Variants in STRADA observed in about 807,000 individuals in gnomAD.
STRADA encodes the protein STE20-related kinase adapter protein alpha.
Under a neutral mutation model 55.0 loss-of-function variants are expected in STRADA, and 26 were observed. The observed-to-expected ratio is 0.47, with a 90% CI of 0.35 to 0.66. The LOEUF (loss-of-function observed/expected upper bound fraction) is 0.66, where lower values mean the gene tolerates loss of function less well. STRADA is among the 30% of genes least tolerant of loss of function. The probability of loss-of-function intolerance (pLI) is 0.01; values close to 1 mark genes in which losing one functional copy is unlikely to be tolerated. For missense variants in STRADA, 443 were observed against 549.7 expected (o/e 0.81, Z 1.94); for synonymous variants, 197 against 210.9 (o/e 0.93, Z 0.57).
At chr17:63,726,855 A>T in intron 2 of STRADA, 160 bp from the exon 3 acceptor site, 1 of 651,136 alleles carries the variant, frequency 1.5e-6, no homozygotes, top group Middle Eastern at 2.6e-4. Context: ...AGAATCTTGA[A>T]CTAAAAACAA....
At chr17:63,703,877 G>A (rs1193475940) in intron 12 of STRADA, 126 bp from the exon 13 acceptor site, 2 of 1,611,262 alleles carry the variant, frequency 1.2e-6, no homozygotes, top group African/African-American at 2.7e-5. Flanking sequence ...GGAAGGAGCA[G>A]TGTCTTTCAG....
rs35963636 is a variant in STRADA, at chr17:63,739,140, C to CAA, written c.-45+2599_-45+2600dup. 1.8e-3 allele frequency among the ~76,000 whole-genome samples: 123 copies of CAA among 69,180 alleles called. 1 individual carries two copies. Among genetic ancestry groups the CAA allele is most frequent in the East Asian group, 4.3e-3 (9 of 2,072 alleles). 45.4% of individuals were successfully genotyped at this position (69,180 alleles called of 152,430 possible). A position where few individuals can be genotyped will look rare whatever the true frequency, so the allele number is the denominator to read the frequency against. ...TGGGCAACAGAGCGAGACTCCATCT[C>CAA]AAAAAAAAAAAAAAAAAAAAAAAAG... is the stretch of plus-strand genomic sequence containing the variant. On this transcript the variant is annotated intron_variant, in intron 1 of 12. Coordinates refer to ENST00000336174, the MANE Select transcript of STRADA (RefSeq NM_001003787.4).
intron 4 of STRADA, among the ~76,000 whole-genome samples, chr17:63,722,645 G>C (rs559853530): frequency 6.6e-6 from 1 of 152,324 alleles, no homozygotes; most frequent in South Asian, 2.1e-4. Context: ...AACAGAGTCA[G>C]AAGTCTAGGT....
chr17:63,720,647 A>C (rs2037237361), intron 4 of STRADA, among the ~76,000 whole-genome samples: 1 of 151,682 alleles, frequency 6.6e-6, no homozygotes, highest in South Asian at 2.1e-4. Flanking sequence ...GGCAGCGGGC[A>C]CCTGCAGTCC....
chr17:63,737,277 A>AAAAAAAAAAG (rs2038514342), intron 1 of STRADA: 1 of 143,504 alleles, frequency 7.0e-6, no homozygotes, highest in Non-Finnish European at 1.5e-5. Context: ...AAAAAAAAAA[A>AAAAAAAAAAG]TTGAGATAGT....
Position 63,713,493 on chromosome 17 carries a change from T to C in STRADA, c.261A>G (p.Leu87=), listed in dbSNP as rs780737966. 8.2e-5 allele frequency: 132 copies of C among 1,614,074 alleles called. No homozygotes were observed. Among genetic ancestry groups the C allele is most frequent in the Non-Finnish European group, 1.1e-4 (129 of 1,180,034 alleles). Residue 87 remains leucine (L), a synonymous_variant, in exon 6 of 13, where the codon CTA becomes CTG. Transcript: ENST00000336174. ...ACTCTCCTGTTGGTTTGTACCTTGC[T>C]AGATTCACAGTCATCAGGTCCTCAA... ...KGFEDLMTVN[L]ARYKPTGEYV...
At chr17:63,720,771 TAAAAAAAA>T (rs777238779) in intron 4 of STRADA, among the ~76,000 whole-genome samples, 1 of 108,906 alleles carries the variant, frequency 9.2e-6, no homozygotes, top group Non-Finnish European at 1.9e-5. Context: ...CGAGACTGTT[TAAAAAAAA>T]AAAAAAAAAA....
chr17:63,740,163 C>T (rs1034826547), intron 1 of STRADA, among the ~76,000 whole-genome samples: 11 of 126,894 alleles, frequency 8.7e-5, no homozygotes, highest in African/African-American at 2.1e-4. Flanking sequence ...CACACACACA[C>T]ACACACACAC....
intron 1 of STRADA, among the ~76,000 whole-genome samples, chr17:63,737,997 AAAGAG>A (rs991026574): frequency 5.3e-5 from 8 of 151,450 alleles, no homozygotes; most frequent in African/African-American, 7.3e-5. Context: ...AAAGAAAAGA[AAAGAG>A]AAGAGAAAAG....
chr17:63,729,541 T>C (rs983888447), intron 1 of STRADA, among the ~76,000 whole-genome samples: 1 of 152,004 alleles, frequency 6.6e-6, no homozygotes. Flanking sequence ...TCCCAGCACT[T>C]TGGGAGGCTG....
intron 6 of STRADA, chr17:63,712,421 G>A (rs2036561319): frequency 6.6e-6 from 1 of 152,236 alleles, no homozygotes; most frequent in East Asian, 1.9e-4. Context: ...CGAATAGAAA[G>A]GAATGTCAGG....
chr17:63,738,565 T>A (rs750641575), intron 1 of STRADA, among the ~76,000 whole-genome samples: 5 of 151,892 alleles, frequency 3.3e-5, no homozygotes, highest in Non-Finnish European at 7.4e-5. Flanking sequence ...AAAAAATGAT[T>A]AAATTAATTG....
intron 1 of STRADA, among the ~76,000 whole-genome samples, chr17:63,733,903 G>A (rs1249686084): frequency 1.3e-5 from 2 of 152,166 alleles, no homozygotes; most frequent in Non-Finnish European, 2.9e-5. Context: ...TACTGGGGAG[G>A]ATCCTTGGAA....
At chr17:63,738,266 G>A (rs1211369525) in intron 1 of STRADA, among the ~76,000 whole-genome samples, 1 of 149,842 alleles carries the variant, frequency 6.7e-6, no homozygotes, top group Non-Finnish European at 1.5e-5. Flanking sequence ...GCTTGAAACC[G>A]GGAGGCGGAG....
rs190842049 is a variant in STRADA, at chr17:63,738,328, G to A, written c.-45+3413C>T. On this transcript the variant is annotated intron_variant, in intron 1 of 12. Coordinates refer to ENST00000336174, the MANE Select transcript of STRADA (RefSeq NM_001003787.4). ...TGCACTCCAGCCTGGGCGACAGAGC[G>A]AGACTCCGACTCAAAAAAAAAAAAA... Among the ~76,000 whole-genome samples, 10 of 132,990 alleles carry A rather than the reference G, an allele frequency of 7.5e-5. No homozygotes were observed. In the East Asian group the frequency reaches 1.1e-3, roughly 14 times the overall value. The allele number at this position is 132,990 out of a possible 152,430, so 87.2% of individuals were successfully genotyped here.
At chr17:63,714,200 T>G (rs1451346970) in intron 4 of STRADA, 92 bp from the exon 5 acceptor site, 2 of 883,762 alleles carry the variant, frequency 2.3e-6, no homozygotes, top group Non-Finnish European at 3.7e-6. Flanking sequence ...ACGAGGAGAC[T>G]GGCATCTAAA....
intron 5 of STRADA, 124 bp from the exon 6 acceptor site, chr17:63,713,651 CTT>C (rs372143780): frequency 6.8e-4 from 657 of 972,350 alleles, no homozygotes; most frequent in East Asian, 7.5e-4. Flanking sequence ...ACTACTGTTA[CTT>C]TTTTTTTTTT....
At chr17:63,735,926 A>G (rs895484852) in intron 1 of STRADA, among the ~76,000 whole-genome samples, 1 of 152,228 alleles carries the variant, frequency 6.6e-6, no homozygotes, top group South Asian at 2.1e-4. Context: ...GCTCCCAGTC[A>G]GCAGCTTTTC....
intron 3 of STRADA, 133 bp from the exon 4 acceptor site, chr17:63,723,459 G>T: frequency 1.1e-6 from 1 of 945,666 alleles, no homozygotes; most frequent in Non-Finnish European, 1.7e-6. Context: ...AGCAAAAAGT[G>T]CCTGCGGGGC....
Sources: gnomAD v4.1 joint callset for allele counts (sites outside exome capture counted in the v4.1 genomes callset) on GRCh38, gnomAD v4.1.1 for gene constraint, MANE v1.5 for transcripts, NCBI Gene and HGNC (gene_info 2026-07-23, HGNC 2026-07-21) for gene names.